NEBL: variants seen among roughly 807,000 people sequenced by gnomAD.
The protein encoded by NEBL is LIM and SH3 protein 2.
A neutral mutation model predicts 140.2 loss-of-function variants in NEBL; 122 were observed. That is an observed-to-expected ratio of 0.87 (90% CI 0.75 to 1.01). The LOEUF is 1.01. NEBL is among the 50% of genes least tolerant of loss of function. The probability of loss-of-function intolerance (pLI) is 0.00; values close to 1 mark genes in which losing one functional copy is unlikely to be tolerated. For synonymous variants in NEBL, 436 were observed against 398.9 expected, an observed-to-expected ratio of 1.09 and a Z score of -1.11; for missense variants, 1,365 against 1,231.3, an observed-to-expected ratio of 1.11 and a Z score of -1.62.
chr10:20,976,868 C>T (rs1299053348), intron 3 of NEBL, among the ~76,000 whole-genome samples: 3 of 150,380 alleles, frequency 2.0e-5, no homozygotes, highest in Non-Finnish European at 4.4e-5. Flanking sequence ...CAAACCTCAG[C>T]ATCACACAAT....
chr10:20,939,107 A>C (rs908550024), intron 4 of NEBL, among the ~76,000 whole-genome samples: 2 of 152,292 alleles, frequency 1.3e-5, no homozygotes, highest in Non-Finnish European at 2.9e-5. Flanking sequence ...GATACTCCCC[A>C]AGAAGAGCAA....
At chr10:21,017,625 T>C (rs1361049471) in intron 3 of NEBL, among the ~76,000 whole-genome samples, 2 of 152,116 alleles carry the variant, frequency 1.3e-5, no homozygotes, top group South Asian at 2.1e-4. Flanking sequence ...AGGCATATAA[T>C]AGGAAAACAA....
chr10:20,819,311 G>T, intron 20 of NEBL, 113 bp downstream of exon 20: 1 of 1,508,318 alleles, frequency 6.6e-7, no homozygotes, highest in Non-Finnish European at 9.2e-7. Flanking sequence ...TGCAGTATTT[G>T]GTTTTACGTT....
intron 3 of NEBL, among the ~76,000 whole-genome samples, chr10:21,000,928 G>T (rs564688037): frequency 1.3e-5 from 2 of 152,292 alleles, no homozygotes; most frequent in East Asian, 3.9e-4. Flanking sequence ...AAGGGAAGAA[G>T]CCCAGATAGA....
intron 18 of NEBL, among the ~76,000 whole-genome samples, chr10:20,825,588 A>G (rs893250724): frequency 6.6e-6 from 1 of 151,900 alleles, no homozygotes; most frequent in Non-Finnish European, 1.5e-5. Flanking sequence ...AATCACTTGA[A>G]TCTGGGAGGC....
intron 1 of NEBL, among the ~76,000 whole-genome samples, chr10:21,286,422 G>A (rs1022805248): frequency 2.0e-5 from 3 of 152,178 alleles, no homozygotes; most frequent in African/African-American, 7.2e-5. Context: ...TATCCTATCT[G>A]AAGAAAATTG....
intron 19 of NEBL, among the ~76,000 whole-genome samples, chr10:20,821,666 C>T (rs1839329308): frequency 6.6e-6 from 1 of 152,196 alleles, no homozygotes; most frequent in Non-Finnish European, 1.5e-5. Context: ...ACGAAGTCAA[C>T]TGCTCTTAAA....
intron 4 of NEBL, among the ~76,000 whole-genome samples, chr10:20,931,116 G>GA (rs35544464): frequency 2.7e-4 from 40 of 150,418 alleles, no homozygotes; most frequent in African/African-American, 6.9e-4. Flanking sequence ...TTTCCCATAA[G>GA]AAAAAAAAAA....
At chr10:20,848,143 G>C (rs565765325) in intron 11 of NEBL, among the ~76,000 whole-genome samples, 10 of 152,192 alleles carry the variant, frequency 6.6e-5, no homozygotes, top group African/African-American at 2.2e-4. Context: ...ACATTCATTG[G>C]GTGGCTCTAC....
chr10:20,918,571 C>T (rs556448095), intron 4 of NEBL, among the ~76,000 whole-genome samples: 4 of 151,900 alleles, frequency 2.6e-5, no homozygotes, highest in Non-Finnish European at 5.9e-5. Flanking sequence ...ATATTGGGGC[C>T]GGGCACGGCT....
At chr10:21,187,582 C>T (rs1289339602) in intron 3 of NEBL, among the ~76,000 whole-genome samples, 2 of 151,908 alleles carry the variant, frequency 1.3e-5, no homozygotes, top group East Asian at 1.9e-4. Flanking sequence ...AGCATGATCA[C>T]GGCTCGCTGT....
intron 2 of NEBL, among the ~76,000 whole-genome samples, chr10:21,119,174 A>G (rs1838411676): frequency 6.6e-6 from 1 of 152,144 alleles, no homozygotes; most frequent in Non-Finnish European, 1.5e-5. Flanking sequence ...CGACAATAAT[A>G]ACATGTCATT....
intron 3 of NEBL, among the ~76,000 whole-genome samples, chr10:21,017,654 A>G (rs953430534): frequency 3.9e-4 from 59 of 152,150 alleles, no homozygotes; most frequent in African/African-American, 1.3e-3. Flanking sequence ...TGCTCCTGGA[A>G]TGCACTGAAG....
intron 8 of NEBL, 29 bp downstream of exon 8, chr10:20,859,684 A>G: frequency 7.2e-7 from 1 of 1,389,958 alleles, no homozygotes; most frequent in Non-Finnish European, 1.0e-6. Flanking sequence ...AAAGATTTTG[A>G]AAATAATTTT....
chr10:21,114,438 A>C (rs921228542), intron 2 of NEBL, among the ~76,000 whole-genome samples: 1 of 152,080 alleles, frequency 6.6e-6, no homozygotes, highest in African/African-American at 2.4e-5. Context: ...CAATTTGATC[A>C]TGTTGATTAT....
chr10:21,014,227 G>A (rs900389643), intron 3 of NEBL, among the ~76,000 whole-genome samples: 14 of 152,166 alleles, frequency 9.2e-5, no homozygotes, highest in African/African-American at 3.4e-4. Flanking sequence ...GGGCTCAAGT[G>A]ATCCTTGCAC....
At chr10:20,966,286 C>T (rs754439262) in intron 3 of NEBL, among the ~76,000 whole-genome samples, 4 of 152,126 alleles carry the variant, frequency 2.6e-5, no homozygotes, top group East Asian at 3.8e-4. Flanking sequence ...TAGATTAGAA[C>T]GCTAAAGCAA....
At chr10:20,956,253 G>A (rs1835799719) in intron 4 of NEBL, among the ~76,000 whole-genome samples, 1 of 152,206 alleles carries the variant, frequency 6.6e-6, no homozygotes, top group Middle Eastern at 3.2e-3. Flanking sequence ...TTTTCCCGAG[G>A]AGCGGTTGTT....
intron 2 of NEBL, among the ~76,000 whole-genome samples, chr10:21,071,685 G>C (rs949291386): frequency 2.0e-5 from 3 of 152,174 alleles, no homozygotes; most frequent in Non-Finnish European, 4.4e-5. Context: ...ATTCATCCAG[G>C]ATTGGTTTAC....
Sources: allele counts gnomAD v4.1 joint callset (sites outside exome capture counted in the v4.1 genomes callset), GRCh38; gene constraint gnomAD v4.1.1; transcripts MANE v1.5; gene names NCBI Gene and HGNC (gene_info 2026-07-23, HGNC 2026-07-21).